Variants in AVEN observed in about 807,000 individuals in gnomAD.
The protein encoded by AVEN is apoptosis and caspase activation inhibitor, also known as cell death regulator Aven.
AVEN carries 41 observed loss-of-function variants against 38.1 expected under a neutral mutation model. The ratio of observed to expected loss-of-function variants is 1.08; its 90% CI spans 0.84 to 1.40. AVEN has a LOEUF of 1.40. Ranked by LOEUF, AVEN falls within the 40% of genes most tolerant of loss-of-function variation. The probability of loss-of-function intolerance (pLI) is 0.00; values close to 1 mark genes in which losing one functional copy is unlikely to be tolerated. For missense variants in AVEN, 605 were observed against 438.8 expected (o/e 1.38, Z -3.38); for synonymous variants, 206 against 171.8 (o/e 1.20, Z -1.56).
intron 2 of AVEN, among the ~76,000 whole-genome samples, chr15:33,954,380 T>A (rs1894876594): frequency 6.6e-6 from 1 of 152,124 alleles, no homozygotes. Context: ...CTATTCACAA[T>A]AGCAAAGACT....
chr15:34,072,574 C>A (rs1319340016), intron 1 of AVEN, among the ~76,000 whole-genome samples: 2 of 148,034 alleles, frequency 1.4e-5, no homozygotes, highest in African/African-American at 5.0e-5. Flanking sequence ...CTGGCCACTG[C>A]ACTCCAGCCT....
At chr15:33,936,924 G>A (rs1224496462) in intron 2 of AVEN, among the ~76,000 whole-genome samples, 3 of 151,924 alleles carry the variant, frequency 2.0e-5, no homozygotes, top group Non-Finnish European at 2.9e-5. Flanking sequence ...GAGGTCAGGA[G>A]ATCGAGACCA....
intron 1 of AVEN, among the ~76,000 whole-genome samples, chr15:34,073,256 T>C (rs1398712297): frequency 1.0e-4 from 14 of 137,000 alleles, no homozygotes; most frequent in Non-Finnish European, 1.5e-4. Context: ...GGGGTTTCCC[T>C]GTGTTCGCCA....
chr15:33,891,039 G>C (rs1239014032), intron 2 of AVEN, among the ~76,000 whole-genome samples: 3 of 151,130 alleles, frequency 2.0e-5, no homozygotes, highest in Non-Finnish European at 4.4e-5. Flanking sequence ...AGGCCAGGGG[G>C]CGAAGGTTGC....
chr15:34,009,782 A>C (rs555533337), intron 1 of AVEN, among the ~76,000 whole-genome samples: 1 of 152,222 alleles, frequency 6.6e-6, no homozygotes, highest in East Asian at 1.9e-4. Context: ...TGAGGCCAGG[A>C]GTTTGAGATC....
intron 2 of AVEN, among the ~76,000 whole-genome samples, chr15:33,956,081 CTGTT>C (rs773302032): frequency 6.6e-6 from 1 of 152,128 alleles, no homozygotes; most frequent in Non-Finnish European, 1.5e-5. Context: ...CTCCCTCGGG[CTGTT>C]ATCTGTAGGG....
Position 33,888,897 on chromosome 15 carries a change from G to T in AVEN, c.446-12902C>A, listed in dbSNP as rs760734233. ...TCCCCAAGTAGCTAGGACTACAGGCGCATGCCACCACGCCCAGCTAAAGTT... is the reference window on the plus strand; with the variant it reads ...TCCCCAAGTAGCTAGGACTACAGGCTCATGCCACCACGCCCAGCTAAAGTT... On this transcript the variant is annotated intron_variant, in intron 2 of 5. Transcript: ENST00000306730. 2.6e-5 allele frequency among the ~76,000 whole-genome samples: 4 copies of T among 152,002 alleles called. No homozygotes were observed. In the East Asian group the frequency reaches 7.8e-4, roughly 30 times the overall value.
chr15:33,919,928 C>T (rs1597231804), intron 2 of AVEN, among the ~76,000 whole-genome samples: 1 of 152,176 alleles, frequency 6.6e-6, no homozygotes, highest in African/African-American at 2.4e-5. Context: ...AGTCTGATTA[C>T]AATCTCCTAT....
intron 5 of AVEN, among the ~76,000 whole-genome samples, chr15:34,053,392 C>A (rs1382045442): frequency 8.0e-5 from 10 of 125,398 alleles, no homozygotes; most frequent in Admixed American, 7.5e-4. Context: ...GGAAAAAGAA[C>A]AAAGCTGGAG....
At chr15:33,955,247 T>C (rs1353921076) in intron 2 of AVEN, among the ~76,000 whole-genome samples, 1 of 152,164 alleles carries the variant, frequency 6.6e-6, no homozygotes, top group African/African-American at 2.4e-5. Flanking sequence ...TGAAATATAT[T>C]TGGGCATAGG....
chr15:33,879,251 A>G (rs997237586), intron 2 of AVEN, among the ~76,000 whole-genome samples: 1 of 151,806 alleles, frequency 6.6e-6, no homozygotes, highest in Non-Finnish European at 1.5e-5. Context: ...TGTCCTTTGT[A>G]GGGACATGGA....
downstream of AVEN, among the ~76,000 whole-genome samples, chr15:33,863,816 G>GGCTACCATTTTATTGTTTT (rs1390754154): frequency 6.6e-6 from 1 of 151,826 alleles, no homozygotes; most frequent in Middle Eastern, 3.2e-3. Flanking sequence ...TAAGAATTTG[G>GGCTACCATTTTATTGTTTT]GCTACCATTT....
At chr15:33,901,082 T>C (rs12593899) in intron 2 of AVEN, among the ~76,000 whole-genome samples, 77,687 of 151,800 alleles carry the variant, frequency 0.51, 21,630 homozygotes, top group Middle Eastern at 0.65. Context: ...CTGGCTAACA[T>C]GGTGAAACCC....
chr15:33,973,585 T>C (rs1440622206), intron 2 of AVEN, among the ~76,000 whole-genome samples: 1 of 152,124 alleles, frequency 6.6e-6, no homozygotes, highest in Non-Finnish European at 1.5e-5. Context: ...GCGCAACCTG[T>C]AATCCCAGCA....
chr15:33,940,150 G>A (rs149993370), intron 2 of AVEN, among the ~76,000 whole-genome samples: 170 of 152,230 alleles, frequency 1.1e-3, no homozygotes, highest in African/African-American at 4.0e-3. Context: ...AAGCCACCCA[G>A]TTTAAGTATT....
chr15:34,021,989 CA>C (rs1403091333), intron 1 of AVEN, among the ~76,000 whole-genome samples: 4 of 152,208 alleles, frequency 2.6e-5, no homozygotes, highest in Non-Finnish European at 4.4e-5. Context: ...ACAACTACTG[CA>C]AAATTTGTAC....
intron 2 of AVEN, among the ~76,000 whole-genome samples, chr15:33,918,231 G>A (rs1893230903): frequency 6.6e-6 from 1 of 151,950 alleles, no homozygotes; most frequent in Non-Finnish European, 1.5e-5. Context: ...TGGCAGGACT[G>A]GAAAAAATTA....
chr15:34,042,877 G>T (rs1336056006), upstream of AVEN, among the ~76,000 whole-genome samples: 1 of 152,126 alleles, frequency 6.6e-6, no homozygotes, highest in African/African-American at 2.4e-5. Flanking sequence ...AGTTGATTCT[G>T]ATGCATCCTC....
chr15:33,870,982 C>T lies in AVEN; in HGVS notation c.565G>A (p.Glu189Lys). 1 of 1,611,154 alleles carries T rather than the reference C, an allele frequency of 6.2e-7. No individual in the cohort carries two copies. The change falls in exon 4 of 6, where the codon GAG (glutamate) becomes AAG (lysine). Residue 189 changes from glutamate (E) to lysine (K), a missense_variant. Coordinates refer to ENST00000306730, the MANE Select transcript of AVEN (RefSeq NM_020371.3). ...TTGAGTCGGAGGCAGAGAGGCAGCT[C>T]TTGAAGGGCTCGAACCAATAACTCA... is the stretch of plus-strand genomic sequence containing the variant. The part of the protein sequence containing the change: ...DSELLVRALQ[E>K]LPLCLRLNVA...
Sources: gnomAD v4.1 joint callset for allele counts (sites outside exome capture counted in the v4.1 genomes callset) on GRCh38, gnomAD v4.1.1 for gene constraint, MANE v1.5 for transcripts, NCBI Gene and HGNC (gene_info 2026-07-23, HGNC 2026-07-21) for gene names.